MGA: variants seen among roughly 807,000 people sequenced by gnomAD.
MGA encodes MAX dimerization protein MGA, also known as MAX gene-associated protein.
Under a neutral mutation model 261.1 loss-of-function variants are expected in MGA, and 40 were observed. That is an observed-to-expected ratio of 0.15 (90% confidence interval 0.12 to 0.20). MGA has a LOEUF of 0.20. Among genes scored for constraint, MGA ranks in the 10% least tolerant of loss-of-function variants. The probability of loss-of-function intolerance (pLI) is 1.00; values close to 1 mark genes in which losing one functional copy is unlikely to be tolerated. For synonymous variants in MGA, 1,302 were observed against 1,290.6 expected, an observed-to-expected ratio of 1.01 and a Z score of -0.19; for missense variants, 3,397 against 3,630.5, an observed-to-expected ratio of 0.94 and a Z score of 1.65.
chr15:41,692,901 C>T (rs773796326), intron 2 of MGA, among the ~76,000 whole-genome samples: 11 of 152,176 alleles, frequency 7.2e-5, no homozygotes, highest in South Asian at 2.1e-4. Flanking sequence ...TTAGTAGAGA[C>T]GGGGTTTTAC....
chr15:41,622,678 TGCCTAGAAGG>T (rs2056334758), intron 1 of MGA, among the ~76,000 whole-genome samples: 1 of 152,196 alleles, frequency 6.6e-6, no homozygotes, highest in Non-Finnish European at 1.5e-5. Flanking sequence ...CCCATAACGC[TGCCTAGAAGG>T]GCCTAGAAGT....
chr15:41,735,995 T>A (rs1385961231), intron 12 of MGA, among the ~76,000 whole-genome samples, 186 bp from the exon 13 acceptor site: 2 of 152,198 alleles, frequency 1.3e-5, no homozygotes, highest in African/African-American at 2.4e-5. Context: ...TGAGGACTAT[T>A]GTAGTCTTAT....
At chr15:41,745,750 T>A (rs1190891402) in intron 15 of MGA, among the ~76,000 whole-genome samples, 1 of 151,102 alleles carries the variant, frequency 6.6e-6, no homozygotes, top group Non-Finnish European at 1.5e-5. Flanking sequence ...GATCATAGGC[T>A]TGTGCCACCA....
chr15:41,701,430 T>G (rs1393556257), intron 5 of MGA, among the ~76,000 whole-genome samples: 3 of 152,188 alleles, frequency 2.0e-5, no homozygotes, highest in African/African-American at 7.2e-5. Context: ...GCTTTGACTG[T>G]TTTTCTTTCT....
rs376628042 is a variant in MGA at position 41,766,450 on chromosome 15, A to T, written c.8368A>T (p.Met2790Leu). ...AGATCTCAAGGACTCAAGCATAGAG[A>T]TGGAACTGAGGAAAGTAACATCAGC... Residue 2790 changes from methionine (M) to leucine (L), a missense_variant, in exon 24 of 24, where the codon ATG becomes TTG. Transcript: ENST00000219905. The T allele has an allele frequency of 4.3e-6, 7 of 1,614,024 alleles. No homozygotes were observed. In the South Asian group the frequency reaches 7.7e-5, roughly 18 times the overall value.
At chr15:41,719,934 A>G (rs2060849601) in intron 9 of MGA, among the ~76,000 whole-genome samples, 1 of 152,200 alleles carries the variant, frequency 6.6e-6, no homozygotes, top group African/African-American at 2.4e-5. Context: ...GGTTAAATTG[A>G]TAAAAATTCA....
chr15:41,732,200 G>T (rs1406640171), intron 11 of MGA, among the ~76,000 whole-genome samples: 1 of 150,602 alleles, frequency 6.6e-6, no homozygotes, highest in East Asian at 1.9e-4. Context: ...CCAGGCTGGA[G>T]TGCAGTGGCG....
chr15:41,735,606 A>G (rs997998772), intron 12 of MGA, among the ~76,000 whole-genome samples: 2 of 152,088 alleles, frequency 1.3e-5, no homozygotes, highest in Non-Finnish European at 2.9e-5. Flanking sequence ...GCGTGGTGGC[A>G]CGCGTCCATA....
At position 41,667,101 on chromosome 15, in the gene MGA, C is replaced by G. The variant is rs564240519; in HGVS notation, c.-67-1727C>G. On this transcript the variant is annotated intron_variant, in intron 1 of 23. Transcript: ENST00000219905. ...AGTCTGATAAGTAAAAAAACAGTATCTCAAGATGACTTTAATTTGCTTTCC... is the reference window on the plus strand; with the variant it reads ...AGTCTGATAAGTAAAAAAACAGTATGTCAAGATGACTTTAATTTGCTTTCC... 2.6e-5 allele frequency among the ~76,000 whole-genome samples: 4 copies of G among 152,280 alleles called. No homozygotes were observed. In the East Asian group the frequency reaches 7.7e-4, roughly 29 times the overall value.
chr15:41,697,418 C>CTTTTTTTTTTTT (rs1204938099), intron 3 of MGA, among the ~76,000 whole-genome samples: 1 of 132,834 alleles, frequency 7.5e-6, no homozygotes, highest in South Asian at 2.4e-4. Context: ...TTTTTCTTTT[C>CTTTTTTTTTTTT]TTTTTTTTTT....
chr15:41,743,617 G>A (rs1318281878), intron 15 of MGA, among the ~76,000 whole-genome samples: 1 of 152,206 alleles, frequency 6.6e-6, no homozygotes, highest in Non-Finnish European at 1.5e-5. Flanking sequence ...TGTGCTGAGA[G>A]CTAGGGGTGC....
Position 41,745,306 on chromosome 15 carries a change from A to AG in MGA, c.5212+2134_5212+2135insG, listed in dbSNP as rs60688205. Among the ~76,000 whole-genome samples the AG allele has an allele frequency of 4.4e-3, 596 of 136,892 alleles. 26 individuals carry two copies. The highest frequency in any genetic ancestry group is 0.014 in the African/African-American group (544 of 37,548). The allele number at this position is 136,892 out of a possible 152,430, so 89.8% of individuals were successfully genotyped here. On this transcript the variant is annotated intron_variant, in intron 15 of 23. Transcript: ENST00000219905. ...TAAAAAAAAAAAAAAAAAAAAAAAAAAGAGACAGCATTAATTGGAAACCAG... is the reference window on the plus strand; with the variant it reads ...TAAAAAAAAAAAAAAAAAAAAAAAAAGAGAGACAGCATTAATTGGAAACCAG...
intron 23 of MGA, 51 bp downstream of exon 23, chr15:41,765,113 A>G: frequency 6.3e-7 from 1 of 1,580,698 alleles, no homozygotes; most frequent in Non-Finnish European, 8.7e-7. Flanking sequence ...TATCCCTAAC[A>G]TCTCACGGTG....
chr15:41,763,092 C>CTTTTTTTTTTT (rs71108131), intron 22 of MGA, among the ~76,000 whole-genome samples: 7 of 63,952 alleles, frequency 1.1e-4, no homozygotes, highest in Non-Finnish European at 1.7e-4. Context: ...TTCTTTCTTC[C>CTTTTTTTTTTT]TTTTTTTTTT....
At chr15:41,638,567 A>G (rs998238145) in intron 1 of MGA, among the ~76,000 whole-genome samples, 11 of 150,986 alleles carry the variant, frequency 7.3e-5, no homozygotes, top group South Asian at 4.2e-4. Context: ...GGGTCTTCCT[A>G]TGTTTCCCAG....
chr15:41,758,883 A>G (rs1014466892), intron 19 of MGA, among the ~76,000 whole-genome samples: 1 of 152,200 alleles, frequency 6.6e-6, no homozygotes, highest in African/African-American at 2.4e-5. Flanking sequence ...ACTGCACAGG[A>G]CAGGAAATAT....
At chr15:41,646,186 TTAAC>T (rs1200046033) in intron 1 of MGA, among the ~76,000 whole-genome samples, 3 of 152,206 alleles carry the variant, frequency 2.0e-5, no homozygotes, top group Non-Finnish European at 4.4e-5. Context: ...TGTGATTTAG[TTAAC>T]TAACTATTGC....
rs566103671 is a variant in MGA, at chr15:41,728,187, C to T, written c.3657+781C>T. On this transcript the variant is annotated intron_variant, in intron 10 of 23. Transcript: ENST00000219905. ...TCTACTAAAAATAAGAAAAATTAGC[C>T]GGGCGTGGTGGCTCATGCCTATAAT... Among the ~76,000 whole-genome samples, 263 of 152,154 alleles carry T rather than the reference C, an allele frequency of 1.7e-3. 3 individuals are homozygous for T. Among genetic ancestry groups the T allele is most frequent in the African/African-American group, 5.9e-3 (247 of 41,516 alleles).
chr15:41,659,377 G>C (rs776233403), upstream of MGA, among the ~76,000 whole-genome samples: 3 of 152,152 alleles, frequency 2.0e-5, no homozygotes, highest in Admixed American at 6.5e-5. Context: ...TTGTCACATA[G>C]CATGTCACGT....
Sources: allele counts gnomAD v4.1 joint callset (sites outside exome capture counted in the v4.1 genomes callset), GRCh38; gene constraint gnomAD v4.1.1; transcripts MANE v1.5; gene names NCBI Gene and HGNC (gene_info 2026-07-23, HGNC 2026-07-21).